The following SGCZ variants were observed in gnomAD, a reference collection of about 807,000 sequenced individuals.
SGCZ encodes the protein zeta-sarcoglycan.
A neutral mutation model predicts 41.3 loss-of-function variants in SGCZ; 40 were observed. The observed-to-expected ratio is 0.97, with a 90% CI of 0.75 to 1.26. The LOEUF (loss-of-function observed/expected upper bound fraction) is 1.26, where lower values mean the gene tolerates loss of function less well. Ranked by LOEUF, SGCZ falls within the 50% of genes most tolerant of loss-of-function variation. The probability of loss-of-function intolerance (pLI) is 0.00; values close to 1 mark genes in which losing one functional copy is unlikely to be tolerated. For synonymous variants in SGCZ, 206 were observed against 137.5 expected, an observed-to-expected ratio of 1.50 and a Z score of -3.49; for missense variants, 552 against 369.8, an observed-to-expected ratio of 1.49 and a Z score of -4.04.
intron 5 of SGCZ, among the ~76,000 whole-genome samples, chr8:14,125,431 G>A (rs918445029): frequency 2.6e-5 from 4 of 151,224 alleles, no homozygotes; most frequent in Non-Finnish European, 5.9e-5. Context: ...GTGAACCAGG[G>A]AGGCAGAGCT....
intron 1 of SGCZ, among the ~76,000 whole-genome samples, chr8:15,056,622 T>G (rs1239664417): frequency 6.6e-6 from 1 of 152,164 alleles, no homozygotes. Flanking sequence ...GTAACTGTAT[T>G]TTAATCTAAA....
At chr8:15,105,532 A>G (rs1384732749) in intron 1 of SGCZ, among the ~76,000 whole-genome samples, 1 of 152,076 alleles carries the variant, frequency 6.6e-6, no homozygotes, top group African/African-American at 2.4e-5. Flanking sequence ...AGTGATACCC[A>G]CTTTTAAACA....
chr8:15,200,119 T>C (rs1800846731), intron 1 of SGCZ, among the ~76,000 whole-genome samples: 1 of 152,218 alleles, frequency 6.6e-6, no homozygotes, highest in African/African-American at 2.4e-5. Flanking sequence ...TATCTCTTCA[T>C]CCAAAGTAAA....
chr8:14,904,801 C>T (rs1585365836), intron 1 of SGCZ, among the ~76,000 whole-genome samples: 1 of 151,858 alleles, frequency 6.6e-6, no homozygotes, highest in South Asian at 2.1e-4. Flanking sequence ...GCCAGTAATT[C>T]TTTTTTTCTA....
At chr8:15,187,285 G>C (rs1800377923) in intron 1 of SGCZ, among the ~76,000 whole-genome samples, 1 of 151,996 alleles carries the variant, frequency 6.6e-6, no homozygotes, top group African/African-American at 2.4e-5. Context: ...ACACAAAATG[G>C]TTATATAATT....
At chr8:14,970,935 A>C (rs956448757) in intron 1 of SGCZ, among the ~76,000 whole-genome samples, 2 of 152,182 alleles carry the variant, frequency 1.3e-5, no homozygotes, top group Non-Finnish European at 2.9e-5. Context: ...TGAATACTAC[A>C]TATCTCTATA....
At chr8:14,488,004 C>T (rs1335535425) in intron 2 of SGCZ, 2 of 64,780 alleles carry the variant, frequency 3.1e-5, no homozygotes, top group Non-Finnish European at 6.5e-5. Flanking sequence ...TCAGGAACCC[C>T]ACTTTTGAGA....
intron 1 of SGCZ, among the ~76,000 whole-genome samples, chr8:15,234,741 T>C (rs1002688606): frequency 2.0e-5 from 3 of 152,070 alleles, no homozygotes; most frequent in African/African-American, 7.2e-5. Context: ...AAACCAATGT[T>C]TGCACACCCA....
chr8:15,220,861 C>T (rs1334269519), intron 1 of SGCZ, among the ~76,000 whole-genome samples: 2 of 152,072 alleles, frequency 1.3e-5, no homozygotes, highest in Non-Finnish European at 2.9e-5. Context: ...ATGTCCTCTG[C>T]AGGGACATGG....
At chr8:14,996,981 C>A (rs931968105) in intron 1 of SGCZ, among the ~76,000 whole-genome samples, 2 of 152,152 alleles carry the variant, frequency 1.3e-5, no homozygotes, top group Admixed American at 6.6e-5. Flanking sequence ...GGAAGACGCT[C>A]TTTTGTGTTC....
intron 1 of SGCZ, among the ~76,000 whole-genome samples, chr8:14,597,392 A>C (rs891426493): frequency 6.6e-6 from 1 of 152,320 alleles, no homozygotes; most frequent in South Asian, 2.1e-4. Context: ...AACATAAGAT[A>C]ATTTATAAAT....
intron 4 of SGCZ, among the ~76,000 whole-genome samples, chr8:14,233,681 C>G (rs1173883251): frequency 6.7e-6 from 1 of 149,842 alleles, no homozygotes; most frequent in East Asian, 1.9e-4. Flanking sequence ...CATCCTTTGC[C>G]CACTTTTTTG....
At chr8:14,275,269 T>C (rs1800190527) in intron 3 of SGCZ, among the ~76,000 whole-genome samples, 3 of 152,188 alleles carry the variant, frequency 2.0e-5, no homozygotes, top group Non-Finnish European at 1.5e-5. Context: ...AATTCCTCCA[T>C]TGCCTACTCT....
chr8:14,428,361 G>T (rs188852006), intron 2 of SGCZ, among the ~76,000 whole-genome samples: 5 of 151,828 alleles, frequency 3.3e-5, no homozygotes, highest in Non-Finnish European at 5.9e-5. Context: ...CAACTCAGAC[G>T]GGATGCAAGG....
At chr8:14,616,288 A>AG (rs2117355287) in intron 1 of SGCZ, among the ~76,000 whole-genome samples, 1 of 151,752 alleles carries the variant, frequency 6.6e-6, no homozygotes, top group African/African-American at 2.4e-5. Flanking sequence ...GTCTCAAAAA[A>AG]AAAAAAGAAA....
intron 1 of SGCZ, among the ~76,000 whole-genome samples, chr8:15,178,995 T>G (rs1303334674): frequency 1.3e-5 from 2 of 152,234 alleles, no homozygotes; most frequent in African/African-American, 4.8e-5. Flanking sequence ...GGACACATTA[T>G]GAGACTTTCC....
chr8:14,618,835 G>C (rs760428356), intron 1 of SGCZ, among the ~76,000 whole-genome samples: 1 of 152,042 alleles, frequency 6.6e-6, no homozygotes, highest in Non-Finnish European at 1.5e-5. Context: ...ATTCCGATGG[G>C]GAGTAAGCAG....
intron 1 of SGCZ, among the ~76,000 whole-genome samples, chr8:14,965,028 G>A (rs1468170682): frequency 6.6e-6 from 1 of 152,012 alleles, no homozygotes; most frequent in African/African-American, 2.4e-5. Flanking sequence ...ACTCATTTGT[G>A]TCCCCCATTC....
chr8:14,627,231 A>G (rs1477854872), intron 1 of SGCZ, among the ~76,000 whole-genome samples: 1 of 152,192 alleles, frequency 6.6e-6, no homozygotes, highest in Non-Finnish European at 1.5e-5. Context: ...ACACGAAGAC[A>G]CCACACAGAA....
Sources: gnomAD v4.1 joint callset for allele counts (sites outside exome capture counted in the v4.1 genomes callset) on GRCh38, gnomAD v4.1.1 for gene constraint, MANE v1.5 for transcripts, NCBI Gene and HGNC (gene_info 2026-07-23, HGNC 2026-07-21) for gene names.